The following TRIM5 variants were observed in gnomAD, a reference collection of about 807,000 sequenced individuals.
TRIM5 encodes the protein tripartite motif-containing protein 5.
A neutral mutation model predicts 35.6 loss-of-function variants in TRIM5; 31 were observed. The ratio of observed to expected loss-of-function variants is 0.87; its 90% CI spans 0.65 to 1.18. TRIM5 has a LOEUF of 1.18. Ranked by LOEUF, TRIM5 falls within the 50% of genes most tolerant of loss-of-function variation. The pLI is 0.00. For missense variants in TRIM5, 609 were observed against 591.6 expected (o/e 1.03, Z -0.31); for synonymous variants, 243 against 215.6 (o/e 1.13, Z -1.11).
chr11:5,609,705 G>A, the TRIM5 span, among the ~76,000 whole-genome samples: 2 of 152,108 alleles, frequency 1.3e-5, no homozygotes, highest in Non-Finnish European at 2.9e-5. Flanking sequence ...GGCAGATCAC[G>A]AGGTCAGGAG....
At chr11:5,596,987 A>G in the TRIM5 span, 1 of 1,610,138 alleles carries the variant, frequency 6.2e-7, no homozygotes, top group South Asian at 1.1e-5. Context: ...GAAAGAGATA[A>G]GGTCCTTTCC....
At chr11:5,594,948 G>C in the TRIM5 span, among the ~76,000 whole-genome samples, 2 of 152,126 alleles carry the variant, frequency 1.3e-5, no homozygotes, top group Non-Finnish European at 2.9e-5. Flanking sequence ...ACCTAAAACC[G>C]TTGTGAAGAA....
At chr11:5,607,005 C>T in the TRIM5 span, among the ~76,000 whole-genome samples, 12 of 152,266 alleles carry the variant, frequency 7.9e-5, no homozygotes, top group Middle Eastern at 3.4e-3. Context: ...AGATTGAGAC[C>T]ATCCTGGCTA....
In TRIM5 at chr11:5,664,791, C is replaced by A. The variant is rs746292343; in HGVS notation, c.*18G>T. On this transcript the variant is annotated 3_prime_UTR_variant, in exon 8 of 8. Coordinates refer to ENST00000380034, the MANE Select transcript of TRIM5 (RefSeq NM_033034.3). Reference sequence around the variant, plus strand: ...GACAAGAGGTGCTGTACAGAAGGGGCTGAGTGTGTAAGAAGGTTCAAGAGC... The same window carrying A: ...GACAAGAGGTGCTGTACAGAAGGGGATGAGTGTGTAAGAAGGTTCAAGAGC... 3.2e-6 allele frequency: 5 copies of A among 1,565,830 alleles called. No individual in the cohort carries two copies. In the East Asian group the frequency reaches 6.7e-5, roughly 21 times the overall value.
intron 1 of TRIM5, among the ~76,000 whole-genome samples, chr11:5,683,787 C>T (rs1009041547): frequency 2.0e-5 from 3 of 152,146 alleles, no homozygotes; most frequent in Admixed American, 6.5e-5. Context: ...GACCACTCGG[C>T]TCTCTGTAAA....
chr11:5,595,742 G>A, the TRIM5 span, among the ~76,000 whole-genome samples: 2 of 149,474 alleles, frequency 1.3e-5, no homozygotes, highest in Admixed American at 1.3e-4. Flanking sequence ...TTTTGAGAGA[G>A]AGTCTCGCTC....
the TRIM5 span, among the ~76,000 whole-genome samples, chr11:5,640,523 C>T: frequency 2.0e-5 from 3 of 151,460 alleles, no homozygotes; most frequent in African/African-American, 7.3e-5. Flanking sequence ...TGCTGGATTG[C>T]CAGATTTGAT....
the TRIM5 span, among the ~76,000 whole-genome samples, chr11:5,606,126 A>G: frequency 1.3e-5 from 2 of 152,348 alleles, no homozygotes; most frequent in East Asian, 3.9e-4. Flanking sequence ...CTTCTTACCC[A>G]GCTTAGTCAC....
the TRIM5 span, among the ~76,000 whole-genome samples, chr11:5,595,685 A>G: frequency 1.3e-5 from 2 of 151,972 alleles, no homozygotes; most frequent in Admixed American, 1.3e-4. Context: ...TCATCAGGTA[A>G]GATGAACAGC....
chr11:5,627,264 C>A, the TRIM5 span, among the ~76,000 whole-genome samples: 1 of 151,954 alleles, frequency 6.6e-6, no homozygotes, highest in Non-Finnish European at 1.5e-5. Context: ...CCTGTAATCC[C>A]AGCTACTCGG....
the TRIM5 span, among the ~76,000 whole-genome samples, chr11:5,647,711 G>C: frequency 6.6e-6 from 1 of 152,044 alleles, no homozygotes; most frequent in Non-Finnish European, 1.5e-5. Flanking sequence ...TTAGTAAAGA[G>C]GGGATTTCAC....
Position 5,664,730 on chromosome 11 carries a change from T to C in TRIM5, c.*79A>G, listed in dbSNP as rs1850991906. The C allele has an allele frequency of 6.7e-7, 1 of 1,488,432 alleles. No homozygotes were observed. Among genetic ancestry groups the C allele is most frequent in the Non-Finnish European group, 8.9e-7 (1 of 1,122,908 alleles). 92.2% of individuals were successfully genotyped at this position (1,488,432 alleles called of 1,614,324 possible). ...GACAGCAAGGAAAAGATGGTTAAAA[T>C]GATGCAAATGAGTTCAGGTGTATGA... On this transcript the variant is annotated 3_prime_UTR_variant, in exon 8 of 8. Transcript: ENST00000380034.
At chr11:5,670,931 G>C (rs546029282) in intron 4 of TRIM5, among the ~76,000 whole-genome samples, 1 of 152,274 alleles carries the variant, frequency 6.6e-6, no homozygotes, top group African/African-American at 2.4e-5. Context: ...GGAATTCTCA[G>C]AAACAACAAA....
At chr11:5,654,204 G>A in the TRIM5 span, among the ~76,000 whole-genome samples, 1 of 151,866 alleles carries the variant, frequency 6.6e-6, no homozygotes, top group Non-Finnish European at 1.5e-5. Context: ...TGTTCCTTTG[G>A]AGGTATCATG....
At chr11:5,598,813 CTATCTAGT>C in the TRIM5 span, among the ~76,000 whole-genome samples, 1 of 152,128 alleles carries the variant, frequency 6.6e-6, no homozygotes. Context: ...TTATTGAGTT[CTATCTAGT>C]AAGTTACAAA....
chr11:5,682,527 C>A (rs1451576552), intron 1 of TRIM5, among the ~76,000 whole-genome samples: 1 of 152,194 alleles, frequency 6.6e-6, no homozygotes, highest in East Asian at 1.9e-4. Flanking sequence ...TTTCTTTATT[C>A]CCTTTATGTA....
chr11:5,595,053 T>G, the TRIM5 span, among the ~76,000 whole-genome samples: 1 of 152,198 alleles, frequency 6.6e-6, no homozygotes, highest in Admixed American at 6.5e-5. Context: ...TGTCTGCACT[T>G]ACGAGATTCC....
the TRIM5 span, chr11:5,590,786 C>G: frequency 6.6e-6 from 1 of 152,380 alleles, no homozygotes; most frequent in African/African-American, 2.4e-5. Context: ...ACTGCTCACT[C>G]TTTGGGTCCA....
chr11:5,677,717 C>T (rs1046185523), intron 4 of TRIM5, among the ~76,000 whole-genome samples: 2 of 152,162 alleles, frequency 1.3e-5, no homozygotes, highest in African/African-American at 4.8e-5. Flanking sequence ...GCGTGAGCCA[C>T]CGCGCCCAGC....
Sources: gnomAD v4.1 joint callset for allele counts (sites outside exome capture counted in the v4.1 genomes callset) on GRCh38, gnomAD v4.1.1 for gene constraint, MANE v1.5 for transcripts, NCBI Gene and HGNC (gene_info 2026-07-23, HGNC 2026-07-21) for gene names.